RASA1: variants seen among roughly 807,000 people sequenced by gnomAD.
The protein encoded by RASA1 is ras GTPase-activating protein 1.
A neutral mutation model predicts 132.2 loss-of-function variants in RASA1; 25 were observed. That is an observed-to-expected ratio of 0.19 (90% CI 0.14 to 0.26). The LOEUF (loss-of-function observed/expected upper bound fraction) is 0.26, where lower values mean the gene tolerates loss of function less well. Ranked by LOEUF, RASA1 falls within the 10% of genes least tolerant of loss-of-function variation. RASA1 has a pLI of 1.00. For synonymous variants in RASA1, 477 were observed against 449.9 expected (o/e 1.06, Z -0.76); for missense variants, 964 against 1,299.2 (o/e 0.74, Z 3.97).
intron 9 of RASA1, among the ~76,000 whole-genome samples, chr5:87,357,790 T>C (rs538222110): frequency 5.3e-5 from 8 of 152,334 alleles, no homozygotes; most frequent in African/African-American, 1.7e-4. Context: ...ACTTGAGATA[T>C]GTAATGTGCC....
At chr5:87,324,731 C>T (rs77312088) in intron 1 of RASA1, among the ~76,000 whole-genome samples, 12 of 152,014 alleles carry the variant, frequency 7.9e-5, no homozygotes, top group African/African-American at 1.4e-4. Flanking sequence ...ATAAACACGC[C>T]CTCTTCTCCC....
chr5:87,309,765 A>G (rs1755783455), intron 1 of RASA1, among the ~76,000 whole-genome samples: 1 of 152,086 alleles, frequency 6.6e-6, no homozygotes, highest in Non-Finnish European at 1.5e-5. Flanking sequence ...TATTTTATAT[A>G]TAAACCTATA....
At position 87,268,381 on chromosome 5, in the gene RASA1, C is replaced by G. The variant is rs532394603; in HGVS notation, c.-71C>G. On this transcript the variant is annotated 5_prime_UTR_variant, in exon 1 of 25. Transcript: ENST00000274376. The stretch of plus-strand genomic sequence containing the variant: ...GGAGACGCGTCTGGGTGGGGCTGCT[C>G]GGAGCCCGGGCCTGGTGGCCCCTGG... 1.4e-6 allele frequency: 2 copies of G among 1,455,826 alleles called. No homozygotes were observed. The highest frequency in any genetic ancestry group is 1.8e-6 in the Non-Finnish European group (2 of 1,102,842). The allele number at this position is 1,455,826 out of a possible 1,614,324, so 90.2% of individuals were successfully genotyped here.
chr5:87,296,334 T>A lies in RASA1; in HGVS notation c.539+27344T>A, dbSNP rs139889605. On this transcript the variant is annotated intron_variant, in intron 1 of 24. Coordinates refer to ENST00000274376, the MANE Select transcript of RASA1 (RefSeq NM_002890.3). ...TAGGCATACGCAAGCAGATACATCATTGCTATTATTTTGAACTGTTACCTT... is the reference window on the plus strand; with the variant it reads ...TAGGCATACGCAAGCAGATACATCAATGCTATTATTTTGAACTGTTACCTT... Among the ~76,000 whole-genome samples, 267 of 152,318 alleles carry A rather than the reference T, an allele frequency of 1.8e-3. 5 individuals carry two copies. The South Asian group carries it at 0.026, about 15-fold the overall frequency.
chr5:87,270,189 CCG>C (rs1301331852), intron 1 of RASA1, among the ~76,000 whole-genome samples: 2 of 148,096 alleles, frequency 1.4e-5, no homozygotes, highest in Admixed American at 1.3e-4. Flanking sequence ...TTGCAGTGAG[CCG>C]AGATCGTGCC....
Position 87,319,473 on chromosome 5 carries a change from T to TGTGCACCCACA in RASA1, c.540-11873_540-11863dup, listed in dbSNP as rs548901679. The stretch of plus-strand genomic sequence containing the variant: ...CTCCCAAACCTCTTCTCTTGCCTTT[T>TGTGCACCCACA]GTGCACCCACAGACCCAACACCATG... On this transcript the variant is annotated intron_variant, in intron 1 of 24. Transcript: ENST00000274376. Among the ~76,000 whole-genome samples, 354 of 152,374 alleles carry TGTGCACCCACA rather than the reference T, an allele frequency of 2.3e-3. 2 individuals are homozygous for TGTGCACCCACA. Among genetic ancestry groups the TGTGCACCCACA allele is most frequent in the African/African-American group, 8.2e-3 (339 of 41,588 alleles).
intron 7 of RASA1, 46 bp downstream of exon 7, chr5:87,346,770 T>TA: frequency 1.4e-6 from 2 of 1,386,218 alleles, no homozygotes; most frequent in Non-Finnish European, 1.0e-6. Flanking sequence ...TTAAAGAGAA[T>TA]AAAAAAGTGA....
Position 87,268,765 on chromosome 5 carries a change from C to T in RASA1, c.314C>T (p.Ala105Val). The T allele has an allele frequency of 6.2e-7, 1 of 1,613,884 alleles. No individual in the cohort carries two copies. Among genetic ancestry groups the T allele is most frequent in the South Asian group, 1.1e-5 (1 of 91,076 alleles). The change falls in exon 1 of 25, where the codon GCT (alanine) becomes GTT (valine). Residue 105 changes from alanine to valine, a missense_variant. Physicochemically the swap from Ala to Val is moderately conservative, Grantham distance 64. Around this residue, in one of 6 missense-constraint regions of RASA1, gnomAD observed 326 missense variants for 275.8 expected, o/e 1.18. Transcript: ENST00000274376. The stretch of plus-strand genomic sequence containing the variant: ...GGTGCTGCTGCTGGCGTGGCCGGTG[C>T]TGCTGTTGCTGGACCTAGTGGAGAC... The part of the protein sequence containing the change: ...VAGAAAGVAG[A>V]AVAGPSGDMA...
chr5:87,368,283 T>C (rs928146835), intron 11 of RASA1, among the ~76,000 whole-genome samples: 1 of 152,164 alleles, frequency 6.6e-6, no homozygotes, highest in African/African-American at 2.4e-5. Context: ...TTTTATTACA[T>C]TTTTTTCAAT....
rs972814310 is a variant in RASA1 at position 87,332,408 on chromosome 5, G to T, written c.693-99G>T. On this transcript the variant is annotated intron_variant, in intron 2 of 24. Coordinates refer to ENST00000274376, the MANE Select transcript of RASA1 (RefSeq NM_002890.3). The stretch of plus-strand genomic sequence containing the variant: ...TATAAGGATATAGTTACAAGGAAAA[G>T]AGTATGGAAATTATGGATTTATAAT... The T allele has an allele frequency of 4.9e-6, 6 of 1,226,006 alleles. No individual in the cohort carries two copies. The African/African-American group carries it at 9.1e-5, about 19-fold the overall frequency. The allele number at this position is 1,226,006 out of a possible 1,614,324, so 75.9% of individuals were successfully genotyped here.
chr5:87,378,972 G>A (rs546034188), intron 18 of RASA1, among the ~76,000 whole-genome samples: 77 of 152,118 alleles, frequency 5.1e-4, no homozygotes, highest in Non-Finnish European at 4.3e-4. Context: ...AATCTTTTTA[G>A]GATTATTAAA....
intron 13 of RASA1, among the ~76,000 whole-genome samples, chr5:87,373,418 G>C (rs191868844): frequency 6.6e-6 from 1 of 152,066 alleles, no homozygotes; most frequent in East Asian, 1.9e-4. Context: ...CTTGGGCTTC[G>C]TTAGCTGCCA....
chr5:87,345,315 A>G (rs1048361371), intron 6 of RASA1, among the ~76,000 whole-genome samples: 2 of 152,168 alleles, frequency 1.3e-5, no homozygotes, highest in Non-Finnish European at 2.9e-5. Flanking sequence ...ATGCTAAATA[A>G]TCTTGTTCAT....
At chr5:87,363,584 A>C (rs1042835137) in intron 11 of RASA1, 80 bp downstream of exon 11, 7 of 1,487,422 alleles carry the variant, frequency 4.7e-6, no homozygotes, top group African/African-American at 1.4e-5. Context: ...CAATTTTGAG[A>C]GCCCTAAAAT....
chr5:87,291,924 A>G (rs748783540), intron 1 of RASA1, among the ~76,000 whole-genome samples: 5 of 152,218 alleles, frequency 3.3e-5, no homozygotes, highest in Non-Finnish European at 5.9e-5. Context: ...TCTAATGCAT[A>G]TGATATTGAA....
chr5:87,334,467 T>A (rs66507804), intron 4 of RASA1, among the ~76,000 whole-genome samples: 7 of 152,076 alleles, frequency 4.6e-5, no homozygotes, highest in African/African-American at 1.7e-4. Context: ...CCCAGAAATA[T>A]AATGTTTAAT....
chr5:87,374,058 TAAGTC>T, intron 13 of RASA1, 100 bp from the exon 14 acceptor site: 2 of 1,035,926 alleles, frequency 1.9e-6, no homozygotes, highest in Non-Finnish European at 2.5e-6. Context: ...AAGGGGAAAA[TAAGTC>T]ATTATTTTTG....
rs1758163744 is a variant in RASA1 at position 87,338,529 on chromosome 5, ATATAAAATTTT to A, written c.1017+440_1017+450del. On this transcript the variant is annotated intron_variant, in intron 5 of 24. Transcript: ENST00000274376. ...TATATATATATATATATATATATAT[ATATAAAATTTT>A]TTTTTTTTTTAAGTAGAAATGGGGT... Among the ~76,000 whole-genome samples, 5 of 92,372 alleles carry A rather than the reference ATATAAAATTTT, an allele frequency of 5.4e-5. 1 individual carries two copies. The South Asian group carries it at 1.8e-3, about 33-fold the overall frequency. The allele number at this position is 92,372 out of a possible 152,430, so 60.6% of individuals were successfully genotyped here.
chr5:87,352,849 A>G (rs1357184142), intron 8 of RASA1, among the ~76,000 whole-genome samples: 2 of 151,854 alleles, frequency 1.3e-5, no homozygotes, highest in African/African-American at 4.8e-5. Context: ...AAAAAGGTAG[A>G]CTTTTAATCA....
Sources: gnomAD v4.1 joint callset for allele counts (sites outside exome capture counted in the v4.1 genomes callset) on GRCh38, gnomAD v4.1.1 for gene constraint, gnomAD v4.1.1 regional missense constraint, MANE v1.5 for transcripts, NCBI Gene and HGNC (gene_info 2026-07-23, HGNC 2026-07-21) for gene names.